The following MUC12 variants were observed in gnomAD, a reference collection of about 807,000 sequenced individuals.
MUC12 encodes the protein mucin 12, cell surface associated, also known as mucin-12.
Under a neutral mutation model 230.8 loss-of-function variants are expected in MUC12, and 172 were observed. The observed-to-expected ratio is 0.75, with a 90% CI of 0.66 to 0.85. The LOEUF (loss-of-function observed/expected upper bound fraction) is 0.85, where lower values mean the gene tolerates loss of function less well. Ranked by LOEUF, MUC12 falls within the 40% of genes least tolerant of loss-of-function variation. The pLI is 0.00. For missense variants in MUC12, 3,506 were observed against 5,920.6 expected (o/e 0.59, Z 13.38); for synonymous variants, 1,259 against 2,401.9 (o/e 0.52, Z 13.91).
At chr7:100,990,114 C>T (rs1369491153) in intron 1 of MUC12, among the ~76,000 whole-genome samples, 1 of 152,186 alleles carries the variant, frequency 6.6e-6, no homozygotes, top group African/African-American at 2.4e-5. Context: ...GGTCCCCAAC[C>T]CCCTGGCCCC....
chr7:101,006,286 C>T (rs1472346349), intron 2 of MUC12, among the ~76,000 whole-genome samples, 185 bp from the exon 3 acceptor site: 1 of 152,062 alleles, frequency 6.6e-6, no homozygotes, highest in Non-Finnish European at 1.5e-5. Context: ...CTCTGCTGTT[C>T]CTCCTCCCTT....
chr7:100,984,677 T>C (rs1456641334), intron 1 of MUC12, among the ~76,000 whole-genome samples: 2 of 152,228 alleles, frequency 1.3e-5, no homozygotes, highest in Non-Finnish European at 2.9e-5. Flanking sequence ...TTGGCCTTTG[T>C]GTGCTTGCGC....
chr7:100,995,360 C>T lies in MUC12; in HGVS notation c.4797C>T (p.Gly1599=), dbSNP rs374620764. 1.2e-4 allele frequency: 190 copies of T among 1,534,956 alleles called. No individual in the cohort carries two copies. In the African/African-American group the frequency reaches 2.2e-3, roughly 18 times the overall value. ...TCCCTGGCAGTACCACCATGCCAGGCGTCAGTCAGGAATCTACAGCTTCCC... is the reference window on the plus strand; with the variant it reads ...TCCCTGGCAGTACCACCATGCCAGGTGTCAGTCAGGAATCTACAGCTTCCC... The part of the protein sequence containing the change: ...TAFPGSTTMP[G]VSQESTASHS... The change falls in exon 2 of 12, where the codon GGC becomes GGT. Residue 1599 remains glycine, a synonymous_variant. Transcript: ENST00000536621.
At chr7:100,981,554 G>C (rs1188560018) in intron 1 of MUC12, 3 of 440,302 alleles carry the variant, frequency 6.8e-6, no homozygotes, top group Non-Finnish European at 8.1e-6. Flanking sequence ...AAAGAGGAAG[G>C]GCAGCTGGAT....
Position 100,992,570 on chromosome 7 carries a change from A to G in MUC12, c.2007A>G (p.Pro669=), listed in dbSNP as rs1042204578. ...CCCACGGCAGCCCGAGCTCAATTCC[A>G]ACAACCCACATTTCTGCCCGCTCCA... ...TTSHGSPSSI[P]TTHISARSTT... is the part of the protein sequence containing the mutation. Residue 669 remains proline (P), a synonymous_variant, in exon 2 of 12, where the codon CCA becomes CCG. Coordinates refer to ENST00000536621, the MANE Select transcript of MUC12 (RefSeq NM_001164462.2). 3.3e-6 allele frequency: 5 copies of G among 1,537,812 alleles called. No individual in the cohort carries two copies. In the African/African-American group the frequency reaches 6.8e-5, roughly 21 times the overall value.
rs765238360 is a variant in MUC12, at chr7:101,018,611, C to G, written c.15983C>G (p.Pro5328Arg). The change falls in exon 12 of 12, where the codon CCG (proline) becomes CGG (arginine). Residue 5328 changes from proline (P) to arginine (R), a missense_variant. Physicochemically the swap from Pro to Arg is moderately radical, Grantham distance 103. Transcript: ENST00000536621. ...DSGTELHIQR[P>R]EMVASTV ...GTCCCCCAGCTCCACATCCAGAGGCCGGAGATGGTAGCATCCACTGTGTGA... is the reference window on the plus strand; with the variant it reads ...GTCCCCCAGCTCCACATCCAGAGGCGGGAGATGGTAGCATCCACTGTGTGA... The G allele has an allele frequency of 6.5e-5, 100 of 1,535,994 alleles. No homozygotes were observed. Among genetic ancestry groups the G allele is most frequent in the Middle Eastern group, 1.7e-4 (1 of 6,000 alleles).
chr7:100,969,712 T>G lies in MUC12; in HGVS notation c.67+23T>G, dbSNP rs950667856. 3 of 1,537,258 alleles carry G rather than the reference T, an allele frequency of 2.0e-6. No homozygotes were observed. In the African/African-American group the frequency reaches 4.1e-5, roughly 21 times the overall value. Reference sequence around the variant, plus strand: ...CAGGTGAGTGCTCCTGGGCTGATGCTCCAGGTCCAGTGCTCCTGGGTGGTA... The same window carrying G: ...CAGGTGAGTGCTCCTGGGCTGATGCGCCAGGTCCAGTGCTCCTGGGTGGTA... On this transcript the variant is annotated intron_variant, in intron 1 of 11. Coordinates refer to ENST00000536621, the MANE Select transcript of MUC12 (RefSeq NM_001164462.2).
Position 100,991,846 on chromosome 7 carries a change from C to T in MUC12, c.1283C>T (p.Ser428Phe), listed in dbSNP as rs199682941. Residue 428 changes from serine to phenylalanine, a missense_variant, in exon 2 of 12, where the codon TCC becomes TTC. Transcript: ENST00000536621. ...STETTHFRDS[S>F]TISGRSEESK... ...GAAACAACACACTTCCGTGATAGCTCCACAATCTCAGGCCGTAGTGAGGAA... is the reference window on the plus strand; with the variant it reads ...GAAACAACACACTTCCGTGATAGCTTCACAATCTCAGGCCGTAGTGAGGAA... The T allele has an allele frequency of 6.5e-7, 1 of 1,537,446 alleles. No homozygotes were observed. The highest frequency in any genetic ancestry group is 1.4e-5 in the African/African-American group (1 of 73,036).
In MUC12 at chr7:101,004,867, C is replaced by G. The variant is rs201542902; in HGVS notation, c.14304C>G (p.Ser4768Arg). 7.7e-5 allele frequency: 119 copies of G among 1,537,210 alleles called. 1 individual carries two copies. The Middle Eastern group carries it at 1.2e-3, about 15-fold the overall frequency. Reference protein sequence around the residue: ...TSSSISGEPTSLYSQAESTHT... With the variant: ...TSSSISGEPTRLYSQAESTHT... ...CCAGCATCAGTGGAGAACCCACCAGCTTGTATAGCCAAGCAGAGTCAACAC... is the reference window on the plus strand; with the variant it reads ...CCAGCATCAGTGGAGAACCCACCAGGTTGTATAGCCAAGCAGAGTCAACAC... The change falls in exon 2 of 12, where the codon AGC (serine) becomes AGG (arginine). Residue 4768 changes from serine (S) to arginine (R), a missense_variant. Ser to Arg is a moderately radical substitution (Grantham distance 110). Transcript: ENST00000536621.
At chr7:100,985,384 T>C (rs1292494745) in intron 1 of MUC12, among the ~76,000 whole-genome samples, 1 of 152,194 alleles carries the variant, frequency 6.6e-6, no homozygotes, top group African/African-American at 2.4e-5. Context: ...GCACTGATTT[T>C]AGGAGCAGTT....
chr7:100,989,564 C>T (rs769477614), intron 1 of MUC12, among the ~76,000 whole-genome samples: 1 of 152,096 alleles, frequency 6.6e-6, no homozygotes, highest in Non-Finnish European at 1.5e-5. Flanking sequence ...GCCTGAGCAC[C>T]TTGATAGATG....
At chr7:101,016,369 CA>C in intron 10 of MUC12, among the ~76,000 whole-genome samples, 1 of 152,074 alleles carries the variant, frequency 6.6e-6, no homozygotes, top group Non-Finnish European at 1.5e-5. Flanking sequence ...TACAGTGGCA[CA>C]ATCTTGGCTC....
chr7:100,991,824 A>G lies in MUC12; in HGVS notation c.1261A>G (p.Thr421Ala), dbSNP rs1302012501. 3 of 1,537,948 alleles carry G rather than the reference A, an allele frequency of 2.0e-6. No homozygotes were observed. Among genetic ancestry groups the G allele is most frequent in the Non-Finnish European group, 1.7e-6 (2 of 1,147,056 alleles). ...CCACAGCAGCCTGGGCTCAACTGAA[A>G]CAACACACTTCCGTGATAGCTCCAC... is the stretch of plus-strand genomic sequence containing the variant. Reference protein sequence around the residue: ...SYHSSLGSTETTHFRDSSTIS... With the variant: ...SYHSSLGSTEATHFRDSSTIS... Residue 421 changes from threonine to alanine, a missense_variant, in exon 2 of 12, where the codon ACA (threonine) becomes GCA (alanine). Thr to Ala is a moderately conservative substitution (Grantham distance 58, BLOSUM62 0). Transcript: ENST00000536621.
intron 1 of MUC12, among the ~76,000 whole-genome samples, chr7:100,985,246 G>A (rs2116286441): frequency 6.6e-6 from 1 of 152,294 alleles, no homozygotes; most frequent in Admixed American, 6.5e-5. Context: ...TGAAATCACA[G>A]GGAGTCGAAG....
At position 101,004,508 on chromosome 7, in the gene MUC12, T is replaced by C. The variant is rs751471474; in HGVS notation, c.13945T>C (p.Ser4649Pro). 5.9e-6 allele frequency: 9 copies of C among 1,534,822 alleles called. No homozygotes were observed. The highest frequency in any genetic ancestry group is 1.4e-5 in the African/African-American group (1 of 72,026). Residue 4649 changes from serine to proline, a missense_variant, in exon 2 of 12, where the codon TCT becomes CCT. By Grantham distance (74) the Ser-to-Pro change is moderately conservative. Transcript: ENST00000536621. ...AATATCTTCACCTCCTAGCACCACATCTGCCCTTGTTGAAGAACCTACCAG... is the reference window on the plus strand; with the variant it reads ...AATATCTTCACCTCCTAGCACCACACCTGCCCTTGTTGAAGAACCTACCAG... ...HTISSPPSTT[S>P]ALVEEPTSYH...
At chr7:100,976,731 G>T (rs191277503) in intron 1 of MUC12, among the ~76,000 whole-genome samples, 1 of 151,242 alleles carries the variant, frequency 6.6e-6, no homozygotes, top group African/African-American at 2.4e-5. Context: ...GTTTTTATAC[G>T]TGGGGAAACA....
intron 1 of MUC12, among the ~76,000 whole-genome samples, chr7:100,983,625 G>A (rs538016136): frequency 6.6e-6 from 1 of 152,240 alleles, no homozygotes; most frequent in South Asian, 2.1e-4. Context: ...CAGCCTACAA[G>A]GGCAAAGACA....
Position 100,997,802 on chromosome 7 carries a change from T to G in MUC12, c.7239T>G (p.Ser2413Arg), listed in dbSNP as rs1176082790. 3 of 143,572 alleles carry G rather than the reference T, an allele frequency of 2.1e-5. No individual in the cohort carries two copies. The highest frequency in any genetic ancestry group is 2.9e-5 in the Non-Finnish European group (3 of 105,118). The allele number at this position is 143,572 out of a possible 1,614,324, so 8.9% of individuals were successfully genotyped here. The change falls in exon 2 of 12, where the codon AGT becomes AGG. Residue 2413 changes from serine (S) to arginine (R), a missense_variant. Transcript: ENST00000536621. ...GTGAAGAATCCAGCACATCCCACAG[T>G]CAACCAGGCTCAACGCACACAACAG... ...GVSEESSTSH[S>R]QPGSTHTTAF...
In MUC12 at chr7:101,017,658, A is replaced by T. The variant is rs368519996; in HGVS notation, c.15961A>T (p.Thr5321Ser). ...CACCCTGGAGACTGTTGACTCTGGCACAGAGGTGACTCAGCTGCGAGCTGC... is the reference window on the plus strand; with the variant it reads ...CACCCTGGAGACTGTTGACTCTGGCTCAGAGGTGACTCAGCTGCGAGCTGC... ...RPTLETVDSG[T>S]ELHIQRPEMV... Residue 5321 changes from threonine to serine, a missense_variant, in exon 11 of 12, where the codon ACA becomes TCA. Physicochemically the swap from Thr to Ser is moderately conservative, Grantham distance 58. Coordinates refer to ENST00000536621, the MANE Select transcript of MUC12 (RefSeq NM_001164462.2). 1.6e-4 allele frequency: 239 copies of T among 1,535,604 alleles called. No individual in the cohort carries two copies. The highest frequency in any genetic ancestry group is 1.5e-4 in the Non-Finnish European group (172 of 1,145,898).
Sources: gnomAD v4.1 joint callset for allele counts (sites outside exome capture counted in the v4.1 genomes callset) on GRCh38, gnomAD v4.1.1 for gene constraint, MANE v1.5 for transcripts, NCBI Gene and HGNC (gene_info 2026-07-23, HGNC 2026-07-21) for gene names.